KYAT3: variants seen among roughly 807,000 people sequenced by gnomAD.
KYAT3 encodes the protein kynurenine aminotransferase 3.
Under a neutral mutation model 59.0 loss-of-function variants are expected in KYAT3, and 50 were observed. The ratio of observed to expected loss-of-function variants is 0.85; its 90% CI spans 0.68 to 1.07. The LOEUF (loss-of-function observed/expected upper bound fraction) is 1.07, where lower values mean the gene tolerates loss of function less well. Among genes scored for constraint, KYAT3 ranks in the 50% least tolerant of loss-of-function variants. The pLI is 0.00. For missense variants in KYAT3, 497 were observed against 533.3 expected (o/e 0.93, Z 0.67); for synonymous variants, 148 against 177.0 (o/e 0.84, Z 1.30).
intron 2 of KYAT3, among the ~76,000 whole-genome samples, chr1:88,973,997 T>C (rs184716353): frequency 6.6e-6 from 1 of 152,208 alleles, no homozygotes; most frequent in Admixed American, 6.5e-5. Context: ...CAAGTCTTCA[T>C]CCAGAGAAGT....
In KYAT3 at chr1:88,964,912, A is replaced by G; in HGVS notation, c.370T>C (p.Ser124Pro). The change falls in exon 5 of 14, where the codon TCA becomes CCA. Residue 124 changes from serine to proline, a missense_variant. Coordinates refer to ENST00000260508, the MANE Select transcript of KYAT3 (RefSeq NM_001008661.3). ...ACTGTCACAAGGATTTCTTTATTTGAATCAATTTGCTTTTGATAAAGCTTT... is the reference window on the plus strand; with the variant it reads ...ACTGTCACAAGGATTTCTTTATTTGGATCAATTTGCTTTTGATAAAGCTTT... ...YEKLYQKQID[S>P]NKEILVTVGA... is the part of the protein sequence containing the mutation. The G allele has an allele frequency of 6.2e-7, 1 of 1,610,968 alleles. No homozygotes were observed. The highest frequency in any genetic ancestry group is 8.5e-7 in the Non-Finnish European group (1 of 1,178,918).
chr1:88,929,013 C>T, the KYAT3 span, among the ~76,000 whole-genome samples: 1 of 151,970 alleles, frequency 6.6e-6, no homozygotes, highest in African/African-American at 2.4e-5. Context: ...TTTGTTGTCC[C>T]CTGCTTGAGG....
chr1:88,940,597 T>G (rs930514276), intron 13 of KYAT3, among the ~76,000 whole-genome samples: 1 of 152,190 alleles, frequency 6.6e-6, no homozygotes, highest in Non-Finnish European at 1.5e-5. Flanking sequence ...GATGTAGGGT[T>G]CAGTGGGTGG....
chr1:88,980,041 G>A (rs1301861480), intron 2 of KYAT3: 2 of 152,244 alleles, frequency 1.3e-5, no homozygotes, highest in Non-Finnish European at 1.5e-5. Context: ...AAGTCATTGT[G>A]TGTGAAAGAA....
At chr1:88,981,991 T>C in intron 2 of KYAT3, 4 of 982,910 alleles carry the variant, frequency 4.1e-6, no homozygotes, top group Non-Finnish European at 4.8e-6. Context: ...TTTTATTTAG[T>C]ATTCCGTAGT....
chr1:88,985,741 AATAT>A (rs1196502250), intron 2 of KYAT3, among the ~76,000 whole-genome samples: 1 of 152,192 alleles, frequency 6.6e-6, no homozygotes, highest in Non-Finnish European at 1.5e-5. Context: ...CATGGCATAC[AATAT>A]ATATACTCCA....
chr1:88,951,397 G>A (rs1031493963), intron 10 of KYAT3, among the ~76,000 whole-genome samples: 1 of 151,816 alleles, frequency 6.6e-6, no homozygotes, highest in Non-Finnish European at 1.5e-5. Flanking sequence ...ACCATGCCCA[G>A]CTAATTTTTG....
At chr1:88,942,712 G>A (rs1044329578) in intron 13 of KYAT3, among the ~76,000 whole-genome samples, 19 of 151,940 alleles carry the variant, frequency 1.3e-4, no homozygotes, top group East Asian at 3.9e-4. Context: ...ACAAGTGCCC[G>A]CCACCATGCC....
At chr1:88,976,446 G>C (rs1338561483) in intron 2 of KYAT3, among the ~76,000 whole-genome samples, 2 of 152,124 alleles carry the variant, frequency 1.3e-5, no homozygotes, top group African/African-American at 4.8e-5. Flanking sequence ...TGTTTGTGGT[G>C]ATGCTGGTAT....
chr1:88,962,130 G>T lies in KYAT3; in HGVS notation c.469C>A (p.Pro157Thr). 1 of 1,612,236 alleles carries T rather than the reference G, an allele frequency of 6.2e-7. No homozygotes were observed. Among genetic ancestry groups the T allele is most frequent in the Non-Finnish European group, 8.5e-7 (1 of 1,178,332 alleles). The change falls in exon 6 of 14, where the codon CCT becomes ACT. Residue 157 changes from proline to threonine, a missense_variant. Transcript: ENST00000260508. ...ATGGGCTCATAGCAGTCATAGAAAG[G>T]CACTATTAGTATGACCTGCAATAAA... ...DEGDEVILIV[P>T]FYDCYEPMVR...
the KYAT3 span, among the ~76,000 whole-genome samples, chr1:88,929,583 G>C: frequency 6.6e-6 from 1 of 152,160 alleles, no homozygotes; most frequent in African/African-American, 2.4e-5. Context: ...GGACCCTCTT[G>C]TCCTTTGGTA....
the KYAT3 span, among the ~76,000 whole-genome samples, chr1:88,921,430 T>C: frequency 1.3e-5 from 2 of 152,242 alleles, no homozygotes; most frequent in Non-Finnish European, 2.9e-5. Context: ...GTAGATATTA[T>C]TGGTTTTTCA....
At position 88,936,252 on chromosome 1, in the gene KYAT3, A is replaced by C. The variant is rs942413285; in HGVS notation, c.1303-7T>G. On this transcript the variant is annotated splice_polypyrimidine_tract_variant and splice_region_variant and intron_variant, in intron 13 of 13. Coordinates refer to ENST00000260508, the MANE Select transcript of KYAT3 (RefSeq NM_001008661.3). ...CATCCAGTGTGCTGTCTTTCTGTAAATTAATGAAATAATCATCATTATTAC... is the reference window on the plus strand; with the variant it reads ...CATCCAGTGTGCTGTCTTTCTGTAACTTAATGAAATAATCATCATTATTAC... The C allele has an allele frequency of 6.3e-7, 1 of 1,586,062 alleles. No homozygotes were observed. The highest frequency in any genetic ancestry group is 1.7e-5 in the Admixed American group (1 of 59,782).
At chr1:88,981,910 T>C (rs1458971111) in intron 2 of KYAT3, 3 of 940,896 alleles carry the variant, frequency 3.2e-6, no homozygotes, top group South Asian at 9.8e-5. Context: ...AAGTGAGACA[T>C]TAGAGTTGCA....
At chr1:88,932,321 G>GATTAGACTATTGATAGACT (rs1557675453), downstream of KYAT3, among the ~76,000 whole-genome samples, 2 of 152,086 alleles carry the variant, frequency 1.3e-5, no homozygotes, top group Non-Finnish European at 2.9e-5. Context: ...ACTATTGATT[G>GATTAGACTATTGATAGACT]ATTAGACTAT....
chr1:88,943,568 T>C, intron 11 of KYAT3, 145 bp from the exon 12 acceptor site: 2 of 616,642 alleles, frequency 3.2e-6, no homozygotes, highest in Admixed American at 3.3e-5. Flanking sequence ...CAGAATATGC[T>C]GGAGTCTCAC....
At chr1:88,984,361 T>G (rs1045528334) in intron 2 of KYAT3, among the ~76,000 whole-genome samples, 35 of 152,062 alleles carry the variant, frequency 2.3e-4, no homozygotes, top group Middle Eastern at 3.4e-3. Context: ...ATTACCGGCA[T>G]GCGCCACCAC....
chr1:88,948,746 A>G (rs1278971625), intron 11 of KYAT3, among the ~76,000 whole-genome samples: 1 of 152,212 alleles, frequency 6.6e-6, no homozygotes, highest in East Asian at 1.9e-4. Flanking sequence ...CATTTTGTTA[A>G]GTAAAAAGGA....
Position 88,953,156 on chromosome 1 carries a change from G to A in KYAT3, c.865-4C>T, listed in dbSNP as rs1675752144. ...TTGGACCAATGGACCAGCCAAGCTGGGAAAGGAAAAGATAAAAGATTTCAG... is the reference window on the plus strand; with the variant it reads ...TTGGACCAATGGACCAGCCAAGCTGAGAAAGGAAAAGATAAAAGATTTCAG... On this transcript the variant is annotated splice_polypyrimidine_tract_variant and splice_region_variant and intron_variant, in intron 9 of 13. Coordinates refer to ENST00000260508, the MANE Select transcript of KYAT3 (RefSeq NM_001008661.3). 3.1e-6 allele frequency: 5 copies of A among 1,601,832 alleles called. No homozygotes were observed. The highest frequency in any genetic ancestry group is 4.3e-6 in the Non-Finnish European group (5 of 1,169,508).
Sources: allele counts gnomAD v4.1 joint callset (sites outside exome capture counted in the v4.1 genomes callset), GRCh38; gene constraint gnomAD v4.1.1; transcripts MANE v1.5; gene names NCBI Gene and HGNC (gene_info 2026-07-23, HGNC 2026-07-21).